The following UTP14C variants were observed in gnomAD, a reference collection of about 807,000 sequenced individuals.
The protein encoded by UTP14C is U3 small nucleolar RNA-associated protein 14 homolog C.
A neutral mutation model predicts 14.6 loss-of-function variants in UTP14C; 10 were observed. The ratio of observed to expected loss-of-function variants is 0.68; its 90% CI spans 0.42 to 1.16. The LOEUF (loss-of-function observed/expected upper bound fraction) is 1.16, where lower values mean the gene tolerates loss of function less well. UTP14C is among the 50% of genes most tolerant of loss of function. The pLI is 0.00. For synonymous variants in UTP14C, 315 were observed against 331.6 expected (o/e 0.95, Z 0.54); for missense variants, 818 against 890.8 (o/e 0.92, Z 1.04).
chr13:52,030,507 C>T lies in UTP14C; in HGVS notation c.1703C>T (p.Pro568Leu), dbSNP rs774469168. The change falls in exon 2 of 2, where the codon CCT (proline) becomes CTT (leucine). Residue 568 changes from proline (P) to leucine (L), a missense_variant. Physicochemically the swap from Pro to Leu is moderately conservative, Grantham distance 98. Coordinates refer to ENST00000521776, the MANE Select transcript of UTP14C (RefSeq NM_021645.6). ...CAGAACTTCCTGACCACACAGTCTCCTTCCGTGAGGTCTTTGGCAGTTCCC... is the reference window on the plus strand; with the variant it reads ...CAGAACTTCCTGACCACACAGTCTCTTTCCGTGAGGTCTTTGGCAGTTCCC... ...NLQNFLTTQSPSVRSLAVPTI... is the reference protein window; with the variant it reads ...NLQNFLTTQSLSVRSLAVPTI... 2 of 1,614,198 alleles carry T rather than the reference C, an allele frequency of 1.2e-6. No individual in the cohort carries two copies. The highest frequency in any genetic ancestry group is 1.1e-5 in the South Asian group (1 of 91,082).
rs1954310140 is a variant in UTP14C, at chr13:52,031,921, T to A, written c.*816T>A. On this transcript the variant is annotated 3_prime_UTR_variant, in exon 2 of 2. Transcript: ENST00000521776. ...AGATGGAAAGTAGATGAAACTACTT[T>A]GAAAATTACGACAGTTAAGGGCTGG... 6.0e-6 allele frequency: 1 copy of A among 167,068 alleles called. No individual in the cohort carries two copies. The allele number at this position is 167,068 out of a possible 1,614,324, so 10.3% of individuals were successfully genotyped here.
At position 52,029,127 on chromosome 13, in the gene UTP14C, G is replaced by T. The variant is rs149348593; in HGVS notation, c.323G>T (p.Arg108Ile). ...SLATVKKQLNRVKSKKVVELP... is the reference protein window; with the variant it reads ...SLATVKKQLNIVKSKKVVELP... ...GCCACTGTAAAAAAGCAACTGAATA[G>T]AGTCAAATCAAAGAAGGTGGTGGAG... Residue 108 changes from arginine to isoleucine, a missense_variant, in exon 2 of 2, where the codon AGA (arginine) becomes ATA (isoleucine). Transcript: ENST00000521776. The T allele has an allele frequency of 1.5e-5, 24 of 1,614,072 alleles. No individual in the cohort carries two copies. The African/African-American group carries it at 2.4e-4, about 16-fold the overall frequency.
At chr13:52,028,177 T>C in intron 1 of UTP14C, 142 bp from the exon 2 acceptor site, 1 of 938,920 alleles carries the variant, frequency 1.1e-6, no homozygotes, top group Non-Finnish European at 1.6e-6. Flanking sequence ...ACTGTAGAAG[T>C]TGAATAAGCA....
In UTP14C at chr13:52,030,371, A is replaced by C; in HGVS notation, c.1567A>C (p.Asn523His). Reference protein sequence around the residue: ...EELGKEDCFQNKELPRPVLEG... With the variant: ...EELGKEDCFQHKELPRPVLEG... ...GCTGGGAAAAGAAGATTGTTTTCAA[A>C]ATAAGGAGCTTCCCAGACCTGTGTT... The change falls in exon 2 of 2, where the codon AAT becomes CAT. Residue 523 changes from asparagine to histidine, a missense_variant. By Grantham distance (68) the Asn-to-His change is moderately conservative (BLOSUM62 1). Transcript: ENST00000521776. The C allele has an allele frequency of 6.2e-6, 10 of 1,614,216 alleles. No homozygotes were observed. Among genetic ancestry groups the C allele is most frequent in the Non-Finnish European group, 7.6e-6 (9 of 1,180,032 alleles).
chr13:52,029,548 T>G lies in UTP14C; in HGVS notation c.744T>G (p.Ser248Arg), dbSNP rs1566712307. 1 of 1,613,492 alleles carries G rather than the reference T, an allele frequency of 6.2e-7. No homozygotes were observed. The highest frequency in any genetic ancestry group is 1.1e-5 in the South Asian group (1 of 91,058). Reference protein sequence around the residue: ...AKARKEKKIKSKKYHKVVKKG... With the variant: ...AKARKEKKIKRKKYHKVVKKG... ...CTCGAAAAGAGAAGAAAATCAAAAG[T>G]AAAAAGTATCACAAAGTCGTGAAGA... Residue 248 changes from serine (S) to arginine (R), a missense_variant, in exon 2 of 2, where the codon AGT becomes AGG. Physicochemically the swap from Ser to Arg is moderately radical, Grantham distance 110. Transcript: ENST00000521776.
At position 52,028,358 on chromosome 13, in the gene UTP14C, C is replaced by A. The variant is rs746775687; in HGVS notation, c.-447C>A. On this transcript the variant is annotated 5_prime_UTR_variant, in exon 2 of 2. Transcript: ENST00000521776. ...ATGGCAGCTGGCACAATTATCCTTG[C>A]ACACAATTCGGGGGGCCCAAAGCTT... The A allele has an allele frequency of 6.2e-7, 1 of 1,614,154 alleles. No homozygotes were observed. Among genetic ancestry groups the A allele is most frequent in the Admixed American group, 1.7e-5 (1 of 60,018 alleles).
In UTP14C at chr13:52,030,966, T is replaced by A. The variant is rs906249031; in HGVS notation, c.2162T>A (p.Val721Asp). The change falls in exon 2 of 2, where the codon GTC becomes GAC. Residue 721 changes from valine (V) to aspartate (D), a missense_variant. Val to Asp is a radical substitution (Grantham distance 152, BLOSUM62 -3). Coordinates refer to ENST00000521776, the MANE Select transcript of UTP14C (RefSeq NM_021645.6). ...CAAAAGCTGACTACTCCCAAGGTCGTCACCAAGCCAGGCCATATCATTAAG... is the reference window on the plus strand; with the variant it reads ...CAAAAGCTGACTACTCCCAAGGTCGACACCAAGCCAGGCCATATCATTAAG... ...AFQKLTTPKVVTKPGHIIKPI... is the reference protein window; with the variant it reads ...AFQKLTTPKVDTKPGHIIKPI... The A allele has an allele frequency of 6.2e-7, 1 of 1,614,002 alleles. No homozygotes were observed. The highest frequency in any genetic ancestry group is 1.3e-5 in the African/African-American group (1 of 74,882).
chr13:52,024,776 A>G lies in UTP14C; in HGVS notation c.-648A>G, dbSNP rs561264790. The G allele has an allele frequency of 2.5e-6, 4 of 1,614,116 alleles. No homozygotes were observed. Among genetic ancestry groups the G allele is most frequent in the East Asian group, 2.2e-5 (1 of 44,902 alleles). On this transcript the variant is annotated 5_prime_UTR_variant, in exon 1 of 2. It removes an upstream start codon present in the reference 5' UTR. Transcript: ENST00000521776. ...CTCATTGGAGGTTGTCGTAACAAAG[A>G]TGATGAACTTAGGGTAAACCAACTG...
In UTP14C at chr13:52,030,738, G is replaced by A. The variant is rs1265890467; in HGVS notation, c.1934G>A (p.Arg645Lys). ...GVGLKPSAKK[R>K]RQFLIKAPEG... is the part of the protein sequence containing the mutation. Reference sequence around the variant, plus strand: ...GGCCTAAAGCCCAGTGCCAAGAAAAGACGCCAGTTTCTCATTAAAGCCCCT... The same window carrying A: ...GGCCTAAAGCCCAGTGCCAAGAAAAAACGCCAGTTTCTCATTAAAGCCCCT... The change falls in exon 2 of 2, where the codon AGA (arginine) becomes AAA (lysine). Residue 645 changes from arginine (R) to lysine (K), a missense_variant. Physicochemically the swap from Arg to Lys is conservative, Grantham distance 26. Transcript: ENST00000521776. 1 of 1,614,214 alleles carries A rather than the reference G, an allele frequency of 6.2e-7. No individual in the cohort carries two copies.
intron 1 of UTP14C, among the ~76,000 whole-genome samples, chr13:52,027,737 G>A (rs1566709151): frequency 6.6e-6 from 1 of 152,218 alleles, no homozygotes; most frequent in Non-Finnish European, 1.5e-5. Flanking sequence ...AGTAACATAA[G>A]CACGGCGATA....
rs1178732483 is a variant in UTP14C at position 52,032,813 on chromosome 13, A to G, written c.*1708A>G. The G allele has an allele frequency of 6.0e-6, 1 of 167,120 alleles. No individual in the cohort carries two copies. Among genetic ancestry groups the G allele is most frequent in the Non-Finnish European group, 1.5e-5 (1 of 68,116 alleles). The allele number at this position is 167,120 out of a possible 1,614,324, so 10.4% of individuals were successfully genotyped here. On this transcript the variant is annotated 3_prime_UTR_variant, in exon 2 of 2. Transcript: ENST00000521776. Reference sequence around the variant, plus strand: ...TCTCTTATTTTCAGCTTTACAGACAAGAACAATTTAAATCTAAAGAATTTA... The same window carrying G: ...TCTCTTATTTTCAGCTTTACAGACAGGAACAATTTAAATCTAAAGAATTTA...
rs532658535 is a variant in UTP14C, at chr13:52,029,816, G to C, written c.1012G>C (p.Val338Leu). Reference protein sequence around the residue: ...KNKELTQKLQVASESEEEEGG... With the variant: ...KNKELTQKLQLASESEEEEGG... ...CAAAGAACTGACACAGAAACTCCAG[G>C]TAGCCTCTGAGAGTGAGGAAGAGGA... Residue 338 changes from valine to leucine, a missense_variant, in exon 2 of 2, where the codon GTA (valine) becomes CTA (leucine). Val to Leu is a conservative substitution (Grantham distance 32). Transcript: ENST00000521776. 2.0e-5 allele frequency: 33 copies of C among 1,614,238 alleles called. No individual in the cohort carries two copies. Among genetic ancestry groups the C allele is most frequent in the Non-Finnish European group, 2.8e-5 (33 of 1,180,046 alleles).
rs1313068616 is a variant in UTP14C, at chr13:52,030,294, C to T, written c.1490C>T (p.Pro497Leu). 1.9e-6 allele frequency: 3 copies of T among 1,614,042 alleles called. No homozygotes were observed. The highest frequency in any genetic ancestry group is 2.5e-6 in the Non-Finnish European group (3 of 1,180,038). Reference protein sequence around the residue: ...REEPAPEEAEPLLLQRSERVQ... With the variant: ...REEPAPEEAELLLLQRSERVQ... ...GAACCTGCCCCAGAAGAAGCGGAAC[C>T]CCTATTGCTACAGAGGTCAGAGAGA... is the stretch of plus-strand genomic sequence containing the variant. The change falls in exon 2 of 2, where the codon CCC (proline) becomes CTC (leucine). Residue 497 changes from proline to leucine, a missense_variant. Pro to Leu is a moderately conservative substitution (Grantham distance 98). Transcript: ENST00000521776.
In UTP14C at chr13:52,028,818, A is replaced by G. The variant is rs1370962592; in HGVS notation, c.14A>G (p.Gln5Arg). The change falls in exon 2 of 2, where the codon CAG (glutamine) becomes CGG (arginine). Residue 5 changes from glutamine (Q) to arginine (R), a missense_variant. By Grantham distance (43) the Gln-to-Arg change is conservative. Coordinates refer to ENST00000521776, the MANE Select transcript of UTP14C (RefSeq NM_021645.6). The part of the protein sequence containing the change: MNVN[Q>R]VAENLALSHQ... The stretch of plus-strand genomic sequence containing the variant: ...CTGGCTGCTGAGATGAATGTGAACC[A>G]GGTTGCAGAGAATCTGGCTTTGAGC... The G allele has an allele frequency of 6.2e-7, 1 of 1,614,258 alleles. No individual in the cohort carries two copies. Among genetic ancestry groups the G allele is most frequent in the South Asian group, 1.1e-5 (1 of 91,092 alleles).
rs1187250361 is a variant in UTP14C at position 52,031,036 on chromosome 13, A to T, written c.2232A>T (p.Ser744=). Residue 744 remains serine, a synonymous_variant, in exon 2 of 2, where the codon TCA becomes TCT. Coordinates refer to ENST00000521776, the MANE Select transcript of UTP14C (RefSeq NM_021645.6). ...TGGGCTACCAGTCTTCCTCAAGGTC[A>T]GACCTGCCTGTCATACAGAGGAATC... ...EDVGYQSSSR[S]DLPVIQRNPK... is the part of the protein sequence containing the mutation. 3 of 1,614,222 alleles carry T rather than the reference A, an allele frequency of 1.9e-6. No individual in the cohort carries two copies. Among genetic ancestry groups the T allele is most frequent in the Non-Finnish European group, 2.5e-6 (3 of 1,180,034 alleles).
Position 52,030,691 on chromosome 13 carries a change from C to A in UTP14C, c.1887C>A (p.Gly629=). 1 of 1,614,204 alleles carries A rather than the reference C, an allele frequency of 6.2e-7. No individual in the cohort carries two copies. Residue 629 remains glycine (G), a synonymous_variant, in exon 2 of 2, where the codon GGC becomes GGA. Coordinates refer to ENST00000521776, the MANE Select transcript of UTP14C (RefSeq NM_021645.6). ...KPKDVDLTLP[G]WGEWGGVGLK... Reference sequence around the variant, plus strand: ...AGGACGTGGACCTGACACTACCTGGCTGGGGCGAGTGGGGTGGTGTGGGCC... The same window carrying A: ...AGGACGTGGACCTGACACTACCTGGATGGGGCGAGTGGGGTGGTGTGGGCC...
chr13:52,029,025 G>A lies in UTP14C; in HGVS notation c.221G>A (p.Ser74Asn). ...GCTAGTCTGAAAGTGTCAGAGTTCA[G>A]TGTCAGTTCTGAAGGATCAGGAGAA... is the stretch of plus-strand genomic sequence containing the variant. ...SEASLKVSEF[S>N]VSSEGSGEKL... is the part of the protein sequence containing the mutation. Residue 74 changes from serine to asparagine, a missense_variant, in exon 2 of 2, where the codon AGT (serine) becomes AAT (asparagine). By Grantham distance (46) the Ser-to-Asn change is conservative (BLOSUM62 1). Transcript: ENST00000521776. 6.2e-7 allele frequency: 1 copy of A among 1,614,270 alleles called. No individual in the cohort carries two copies.
intron 1 of UTP14C, among the ~76,000 whole-genome samples, chr13:52,026,878 G>A (rs753713641): frequency 5.3e-5 from 8 of 152,190 alleles, no homozygotes; most frequent in African/African-American, 9.7e-5. Context: ...CAAAGCTCCC[G>A]TGGATGTGGT....
chr13:52,029,386 C>A lies in UTP14C; in HGVS notation c.582C>A (p.Asn194Lys), dbSNP rs753562160. The A allele has an allele frequency of 1.2e-6, 2 of 1,614,028 alleles. No homozygotes were observed. Among genetic ancestry groups the A allele is most frequent in the African/African-American group, 2.7e-5 (2 of 74,910 alleles). Residue 194 changes from asparagine (N) to lysine (K), a missense_variant, in exon 2 of 2, where the codon AAC (asparagine) becomes AAA (lysine). Asn to Lys is a moderately conservative substitution (Grantham distance 94). Transcript: ENST00000521776. ...AAATTTTTAACCTCCTCCATAAGAA[C>A]AAGCAGCCAGTGACAGATCCTTTAC... ...EQEIFNLLHK[N>K]KQPVTDPLLT...
Sources: gnomAD v4.1 joint callset for allele counts (sites outside exome capture counted in the v4.1 genomes callset) on GRCh38, gnomAD v4.1.1 for gene constraint, MANE v1.5 for transcripts, NCBI Gene and HGNC (gene_info 2026-07-23, HGNC 2026-07-21) for gene names.